The following NRXN3 variants were observed in gnomAD, a reference collection of about 807,000 sequenced individuals.
NRXN3 encodes neurexin III.
In NRXN3, 32 loss-of-function variants were observed where a neutral mutation model predicts 137.6. The observed-to-expected ratio is 0.23, with a 90% CI of 0.18 to 0.31. The LOEUF is 0.31. Among genes scored for constraint, NRXN3 ranks in the 10% least tolerant of loss-of-function variants. NRXN3 has a pLI of 1.00. For synonymous variants in NRXN3, 798 were observed against 784.5 expected, an observed-to-expected ratio of 1.02 and a Z score of -0.29; for missense variants, 1,574 against 2,062.5, an observed-to-expected ratio of 0.76 and a Z score of 4.59.
intron 15 of NRXN3, among the ~76,000 whole-genome samples, chr14:79,051,812 A>T (rs763751267): frequency 1.6e-4 from 25 of 152,178 alleles, no homozygotes; most frequent in Non-Finnish European, 3.4e-4. Context: ...GAGGGGAAGC[A>T]AATACATGTT....
chr14:79,678,469 G>A (rs903941527), intron 17 of NRXN3, among the ~76,000 whole-genome samples: 22 of 152,218 alleles, frequency 1.4e-4, no homozygotes, highest in African/African-American at 4.3e-4. Context: ...AAGTCTACAC[G>A]TCTTTGCTGC....
chr14:79,561,826 G>T (rs1190902182), intron 16 of NRXN3, among the ~76,000 whole-genome samples: 1 of 152,074 alleles, frequency 6.6e-6, no homozygotes, highest in Non-Finnish European at 1.5e-5. Flanking sequence ...AAAGCTCCAG[G>T]TTAAGGAGCT....
At chr14:79,483,973 T>C (rs532253553) in intron 16 of NRXN3, among the ~76,000 whole-genome samples, 6 of 152,294 alleles carry the variant, frequency 3.9e-5, no homozygotes, top group African/African-American at 1.4e-4. Context: ...TGGGTGTCCA[T>C]ATGGAAGTCA....
chr14:79,553,571 G>C lies in NRXN3; in HGVS notation c.3444+86169G>C, dbSNP rs149845845. On this transcript the variant is annotated intron_variant, in intron 16 of 20. Transcript: ENST00000335750. The stretch of plus-strand genomic sequence containing the variant: ...CATGCACGCACTCATTTGGTAAGTG[G>C]GATCCTGGTGCCTATTTGACTGACA... Among the ~76,000 whole-genome samples, 145 of 152,230 alleles carry C rather than the reference G, an allele frequency of 9.5e-4. 1 individual carries two copies. Among genetic ancestry groups the C allele is most frequent in the Non-Finnish European group, 1.9e-3 (126 of 68,018 alleles).
intron 16 of NRXN3, among the ~76,000 whole-genome samples, chr14:79,610,367 G>A (rs1350195281): frequency 6.6e-6 from 1 of 152,096 alleles, no homozygotes. Context: ...TCCTCATATG[G>A]TTATTTAAAT....
intron 15 of NRXN3, among the ~76,000 whole-genome samples, chr14:79,122,851 A>G (rs2055688452): frequency 6.6e-6 from 1 of 152,180 alleles, no homozygotes; most frequent in Non-Finnish European, 1.5e-5. Flanking sequence ...AAATTCTGAG[A>G]CTTTTTTGAA....
At chr14:78,194,227 G>A (rs2061020916) in intron 1 of NRXN3, among the ~76,000 whole-genome samples, 1 of 152,354 alleles carries the variant, frequency 6.6e-6, no homozygotes, top group African/African-American at 2.4e-5. Context: ...GATAGGCAAC[G>A]TGGTGTTTGA....
intron 10 of NRXN3, among the ~76,000 whole-genome samples, chr14:78,832,097 A>G (rs1252095963): frequency 1.3e-5 from 2 of 152,032 alleles, no homozygotes; most frequent in African/African-American, 4.8e-5. Flanking sequence ...TTTCCTACTA[A>G]CTTTCAAAAA....
intron 10 of NRXN3, among the ~76,000 whole-genome samples, chr14:78,900,443 C>CT (rs113445251): frequency 0.061 from 8,738 of 142,386 alleles, 760 homozygotes; most frequent in East Asian, 0.4. Context: ...CATTTTTTTT[C>CT]TTTTTTTTTT....
intron 15 of NRXN3, among the ~76,000 whole-genome samples, chr14:79,129,244 T>G (rs2057057716): frequency 6.6e-6 from 1 of 150,622 alleles, no homozygotes; most frequent in Non-Finnish European, 1.5e-5. Context: ...TGCTCTTGCT[T>G]TTCTAGTTCT....
At chr14:78,942,502 C>A (rs2099355036) in intron 10 of NRXN3, among the ~76,000 whole-genome samples, 1 of 152,012 alleles carries the variant, frequency 6.6e-6, no homozygotes, top group East Asian at 1.9e-4. Flanking sequence ...GGGTTGGGAC[C>A]TAAAAATTTG....
intron 20 of NRXN3, among the ~76,000 whole-genome samples, chr14:79,809,848 G>A (rs184443167): frequency 5.9e-5 from 9 of 152,092 alleles, no homozygotes; most frequent in African/African-American, 1.4e-4. Flanking sequence ...GAAGAAAAAC[G>A]GATGAGCTGG....
intron 8 of NRXN3, among the ~76,000 whole-genome samples, chr14:78,774,878 A>C (rs2098740042): frequency 6.6e-6 from 1 of 152,132 alleles, no homozygotes; most frequent in Non-Finnish European, 1.5e-5. Flanking sequence ...AGCTATGATC[A>C]TGCCACTACA....
At chr14:79,805,077 C>T (rs759259530) in intron 19 of NRXN3, 35 bp from the exon 20 acceptor site, 15 of 1,457,714 alleles carry the variant, frequency 1.0e-5, no homozygotes, top group Non-Finnish European at 4.8e-6. Context: ...TCTCTCTCTT[C>T]CCCTACCCCA....
At chr14:78,191,194 G>T (rs1311058001) in intron 1 of NRXN3, among the ~76,000 whole-genome samples, 1 of 152,084 alleles carries the variant, frequency 6.6e-6, no homozygotes, top group Non-Finnish European at 1.5e-5. Flanking sequence ...TGGGCCAGGG[G>T]GATGACCATT....
intron 15 of NRXN3, among the ~76,000 whole-genome samples, chr14:79,445,637 T>C (rs1048923098): frequency 3.9e-5 from 6 of 152,102 alleles, no homozygotes; most frequent in Non-Finnish European, 7.4e-5. Context: ...TTGAGGCTCA[T>C]TGATAAGAAG....
chr14:79,387,630 G>A (rs2094678428), intron 15 of NRXN3, among the ~76,000 whole-genome samples: 1 of 145,684 alleles, frequency 6.9e-6, no homozygotes, highest in African/African-American at 2.5e-5. Flanking sequence ...TATAAATCAT[G>A]TTGCTATAAA....
At chr14:78,408,919 T>A (rs532132919) in intron 4 of NRXN3, among the ~76,000 whole-genome samples, 11 of 152,376 alleles carry the variant, frequency 7.2e-5, no homozygotes, top group African/African-American at 2.4e-4. Context: ...TGTTTATTTC[T>A]CAGCTATTAA....
chr14:79,734,665 G>A (rs971813054), intron 19 of NRXN3, among the ~76,000 whole-genome samples: 1 of 152,048 alleles, frequency 6.6e-6, no homozygotes, highest in South Asian at 2.1e-4. Flanking sequence ...TACTGATGAT[G>A]ATTATTTTCA....
Sources: allele counts gnomAD v4.1 joint callset (sites outside exome capture counted in the v4.1 genomes callset), GRCh38; gene constraint gnomAD v4.1.1; transcripts MANE v1.5; gene names NCBI Gene and HGNC (gene_info 2026-07-23, HGNC 2026-07-21).